Variants in ATXN10 observed in about 807,000 individuals in gnomAD.
ATXN10 encodes ataxin 10, also known as ataxin-10.
Under a neutral mutation model 52.9 loss-of-function variants are expected in ATXN10, and 28 were observed. The ratio of observed to expected loss-of-function variants is 0.53; its 90% CI spans 0.39 to 0.73. The LOEUF is 0.73. ATXN10 is among the 30% of genes least tolerant of loss of function. The pLI is 0.00. For synonymous variants in ATXN10, 226 were observed against 221.5 expected (o/e 1.02, Z -0.18); for missense variants, 565 against 577.0 (o/e 0.98, Z 0.21).
Position 45,729,489 on chromosome 22 carries a change from A to G in ATXN10, c.793A>G (p.Ile265Val). 1.2e-6 allele frequency: 2 copies of G among 1,614,172 alleles called. No individual in the cohort carries two copies. The highest frequency in any genetic ancestry group is 1.7e-6 in the Non-Finnish European group (2 of 1,180,036). ...TSDEPLTKDD[I>V]PVFLRHAELI... Reference sequence around the variant, plus strand: ...TGATGAGCCACTCACCAAGGATGACATCCCTGTGTTTTTGCGGCATGCTGA... The same window carrying G: ...TGATGAGCCACTCACCAAGGATGACGTCCCTGTGTTTTTGCGGCATGCTGA... The change falls in exon 7 of 12, where the codon ATC (isoleucine) becomes GTC (valine). Residue 265 changes from isoleucine to valine, a missense_variant. Ile to Val is a conservative substitution (Grantham distance 29, BLOSUM62 3). Coordinates refer to ENST00000252934, the MANE Select transcript of ATXN10 (RefSeq NM_013236.4).
chr22:45,779,128 G>A (rs57002779), intron 9 of ATXN10, among the ~76,000 whole-genome samples: 2,598 of 152,182 alleles, frequency 0.017, 86 homozygotes, highest in African/African-American at 0.06. Flanking sequence ...GCTTTGCATC[G>A]TTCTTCTCTC....
rs2146827692 is a variant in ATXN10, at chr22:45,759,775, A to G, written c.1173+19237A>G. On this transcript the variant is annotated intron_variant, in intron 9 of 11. Transcript: ENST00000252934. This position sits in a 1 kb window ranked among gnomAD's most constrained non-coding sequence, Gnocchi z 5.4. Reference sequence around the variant, plus strand: ...CTCAGCTGCCGGCATGAGCTAAGGGACCATATAACAGTCAGCACTGTCCAT... The same window carrying G: ...CTCAGCTGCCGGCATGAGCTAAGGGGCCATATAACAGTCAGCACTGTCCAT... Among the ~76,000 whole-genome samples the G allele has an allele frequency of 6.6e-6, 1 of 152,168 alleles. No individual in the cohort carries two copies. Among genetic ancestry groups the G allele is most frequent in the East Asian group, 1.9e-4 (1 of 5,180 alleles).
rs953947483 is a variant in ATXN10, at chr22:45,835,842, A to T, written c.1238-7149A>T. Among the ~76,000 whole-genome samples the T allele has an allele frequency of 6.6e-6, 1 of 151,946 alleles. No homozygotes were observed. Among genetic ancestry groups the T allele is most frequent in the Non-Finnish European group, 1.5e-5 (1 of 67,968 alleles). On this transcript the variant is annotated intron_variant, in intron 10 of 11. Transcript: ENST00000252934. This position sits in a 1 kb window ranked among gnomAD's most constrained non-coding sequence, Gnocchi z 5.0. ...AATTATTTCTCTGCCTTCTTTTAGT[A>T]TTTTTTTTAACACTTTCAGTATTAG...
At chr22:45,810,601 T>G (rs779864757) in intron 10 of ATXN10, among the ~76,000 whole-genome samples, 9 of 152,234 alleles carry the variant, frequency 5.9e-5, no homozygotes, top group Non-Finnish European at 8.8e-5. Context: ...ATACAGTACT[T>G]AGTTTCCAAC....
Position 45,770,206 on chromosome 22 carries a change from A to C in ATXN10, c.1173+29668A>C, listed in dbSNP as rs570144546. Among the ~76,000 whole-genome samples the C allele has an allele frequency of 6.6e-6, 1 of 152,376 alleles. No homozygotes were observed. The highest frequency in any genetic ancestry group is 6.5e-5 in the Admixed American group (1 of 15,306). On this transcript the variant is annotated intron_variant, in intron 9 of 11. Transcript: ENST00000252934. The surrounding 1 kb of genome is among the most constrained non-coding windows in gnomAD (Gnocchi z 4.5). ...GTAATTTGCCCAAACAATTTACAGC[A>C]AATATGATTGAAACCCATATCTATT... is the stretch of plus-strand genomic sequence containing the variant.
intron 9 of ATXN10, among the ~76,000 whole-genome samples, chr22:45,755,143 G>T (rs533982878): frequency 6.6e-6 from 1 of 152,316 alleles, no homozygotes; most frequent in East Asian, 1.9e-4. Flanking sequence ...GCTTGTTCAG[G>T]ACTTCCTGTG....
At chr22:45,730,816 A>G (rs192210911) in intron 7 of ATXN10, among the ~76,000 whole-genome samples, 2 of 152,178 alleles carry the variant, frequency 1.3e-5, no homozygotes, top group Non-Finnish European at 2.9e-5. Context: ...ACATTTCCAC[A>G]GCTGTTATCC....
At position 45,733,744 on chromosome 22, in the gene ATXN10, A is replaced by G. The variant is rs1333397947; in HGVS notation, c.894+4154A>G. On this transcript the variant is annotated intron_variant, in intron 7 of 11. Coordinates refer to ENST00000252934, the MANE Select transcript of ATXN10 (RefSeq NM_013236.4). The surrounding 1 kb of genome is among the most constrained non-coding windows in gnomAD (Gnocchi z 4.4). ...GCACTTCAGCCTGGGCGACAGAGCA[A>G]GACTCCCATCTTAAAAAAAAAAAAA... Among the ~76,000 whole-genome samples the G allele has an allele frequency of 6.6e-6, 1 of 151,800 alleles. No homozygotes were observed. The highest frequency in any genetic ancestry group is 1.5e-5 in the Non-Finnish European group (1 of 67,906).
intron 9 of ATXN10, chr22:45,793,595 C>T (rs1927595750): frequency 1.5e-6 from 2 of 1,318,762 alleles, no homozygotes; most frequent in Non-Finnish European, 1.9e-6. Flanking sequence ...CCTGCACCTT[C>T]ATTTTAGGCA....
chr22:45,751,119 C>CG (rs368064336), intron 9 of ATXN10, among the ~76,000 whole-genome samples: 13,678 of 151,892 alleles, frequency 0.09, 792 homozygotes, highest in Middle Eastern at 0.16. Flanking sequence ...TTAGTAGAGA[C>CG]GGGGTTTCAC....
intron 10 of ATXN10, among the ~76,000 whole-genome samples, chr22:45,832,177 C>T (rs1390636656): frequency 1.3e-5 from 2 of 152,200 alleles, no homozygotes; most frequent in African/African-American, 4.8e-5. Flanking sequence ...TCAGCTCTTT[C>T]GATGAGTTCT....
chr22:45,714,423 C>T (rs558360980), intron 5 of ATXN10, among the ~76,000 whole-genome samples: 1 of 152,220 alleles, frequency 6.6e-6, no homozygotes, highest in South Asian at 2.1e-4. Flanking sequence ...CTCTGTCACT[C>T]AGGCTGGAGT....
chr22:45,839,529 C>T (rs995416522), intron 10 of ATXN10, among the ~76,000 whole-genome samples: 1 of 152,228 alleles, frequency 6.6e-6, no homozygotes, highest in African/African-American at 2.4e-5. Context: ...CAGTCTCATT[C>T]TTTCTGTGCT....
At chr22:45,834,187 T>TA (rs1254216858) in intron 10 of ATXN10, among the ~76,000 whole-genome samples, 2 of 152,314 alleles carry the variant, frequency 1.3e-5, no homozygotes, top group East Asian at 3.9e-4. Context: ...GAGAGACACT[T>TA]AATTGTACAA....
At chr22:45,792,822 GC>G in intron 9 of ATXN10, 1 of 529,532 alleles carries the variant, frequency 1.9e-6, no homozygotes. Flanking sequence ...GAATAATGAG[GC>G]CAAAAGAGTC....
rs1182755504 is a variant in ATXN10 at position 45,759,222 on chromosome 22, A to T, written c.1173+18684A>T. Among the ~76,000 whole-genome samples, 1 of 152,164 alleles carries T rather than the reference A, an allele frequency of 6.6e-6. No homozygotes were observed. Among genetic ancestry groups the T allele is most frequent in the Non-Finnish European group, 1.5e-5 (1 of 68,036 alleles). ...GAGGGACAATGATAAATAGTAAAAG[A>T]TTCTAGAGTCCGGGCATGGTGGTTC... is the stretch of plus-strand genomic sequence containing the variant. On this transcript the variant is annotated intron_variant, in intron 9 of 11. Transcript: ENST00000252934. The surrounding 1 kb of genome is among the most constrained non-coding windows in gnomAD (Gnocchi z 5.4).
chr22:45,800,012 C>G (rs1363123642), intron 9 of ATXN10, among the ~76,000 whole-genome samples: 1 of 151,866 alleles, frequency 6.6e-6, no homozygotes, highest in Non-Finnish European at 1.5e-5. Flanking sequence ...TTAAAATAGC[C>G]ACATAAAAGC....
At position 45,732,651 on chromosome 22, in the gene ATXN10, G is replaced by C. The variant is rs1425367330; in HGVS notation, c.894+3061G>C. On this transcript the variant is annotated intron_variant, in intron 7 of 11. Transcript: ENST00000252934. The surrounding 1 kb of genome is among the most constrained non-coding windows in gnomAD (Gnocchi z 4.5). ...AAGACCAAGTGCTATACTGGAGCTG[G>C]CCTGTGGTGACTTCTAAGAGTTGAT... 2.0e-5 allele frequency among the ~76,000 whole-genome samples: 3 copies of C among 151,726 alleles called. No individual in the cohort carries two copies. Among genetic ancestry groups the C allele is most frequent in the African/African-American group, 4.8e-5 (2 of 41,284 alleles).
Position 45,693,014 on chromosome 22 carries a change from T to C in ATXN10, c.327T>C (p.Gly109=), listed in dbSNP as rs200591585. 4 of 1,614,102 alleles carry C rather than the reference T, an allele frequency of 2.5e-6. No homozygotes were observed. Among genetic ancestry groups the C allele is most frequent in the Non-Finnish European group, 3.4e-6 (4 of 1,179,980 alleles). Residue 109 remains glycine, a synonymous_variant, in exon 3 of 12, where the codon GGT becomes GGC. Transcript: ENST00000252934. ...QNSIRNLDTI[G]VAVDLILLFR... ...AACCCAGGAACTTGGATACGATTGG[T>C]GTTGCTGTTGATTTGATTCTTCTGT...
Sources: gnomAD v4.1 joint callset for allele counts (sites outside exome capture counted in the v4.1 genomes callset) on GRCh38, gnomAD v4.1.1 for gene constraint, Gnocchi (gnomAD v3.1) non-coding constraint, MANE v1.5 for transcripts, NCBI Gene and HGNC (gene_info 2026-07-23, HGNC 2026-07-21) for gene names.